Variants in PEX14 observed in about 807,000 individuals in gnomAD.
PEX14 encodes the protein peroxisomal biogenesis factor 14, also known as peroxisomal membrane protein PEX14.
Under a neutral mutation model 49.5 loss-of-function variants are expected in PEX14, and 15 were observed. The observed-to-expected ratio is 0.30, with a 90% confidence interval of 0.20 to 0.47. The LOEUF is 0.47. Among genes scored for constraint, PEX14 ranks in the 20% least tolerant of loss-of-function variants. The probability of loss-of-function intolerance (pLI) is 1.00; values close to 1 mark genes in which losing one functional copy is unlikely to be tolerated. For synonymous variants in PEX14, 210 were observed against 212.7 expected, an observed-to-expected ratio of 0.99 and a Z score of 0.11; for missense variants, 398 against 494.8, an observed-to-expected ratio of 0.80 and a Z score of 1.86.
chr1:10,549,263 T>C (rs1639267243), intron 3 of PEX14, among the ~76,000 whole-genome samples: 1 of 152,114 alleles, frequency 6.6e-6, no homozygotes, highest in South Asian at 2.1e-4. Context: ...GTAAGAAAAA[T>C]ATTTTAACAC....
chr1:10,528,849 A>G (rs1247096728), intron 2 of PEX14, among the ~76,000 whole-genome samples: 1 of 152,174 alleles, frequency 6.6e-6, no homozygotes, highest in East Asian at 1.9e-4. Flanking sequence ...ACGCTGGCCA[A>G]ACCTCCAACT....
At chr1:10,531,282 C>A (rs1006600193) in intron 2 of PEX14, among the ~76,000 whole-genome samples, 1 of 152,204 alleles carries the variant, frequency 6.6e-6, no homozygotes, top group Non-Finnish European at 1.5e-5. Flanking sequence ...AGCTGCTTTG[C>A]AACTATTTCC....
intron 3 of PEX14, among the ~76,000 whole-genome samples, chr1:10,581,931 T>C (rs1640333428): frequency 6.6e-6 from 1 of 151,898 alleles, no homozygotes; most frequent in Non-Finnish European, 1.5e-5. Context: ...CTTCATTTTA[T>C]TTTTTAATTA....
chr1:10,561,747 AACTG>A (rs1264375217), intron 3 of PEX14, among the ~76,000 whole-genome samples: 9 of 152,196 alleles, frequency 5.9e-5, no homozygotes, highest in African/African-American at 2.2e-4. Context: ...TTCTTGTTTC[AACTG>A]ACTGTTTCTC....
intron 5 of PEX14, among the ~76,000 whole-genome samples, chr1:10,620,067 A>T (rs2124635335): frequency 6.6e-6 from 1 of 152,208 alleles, no homozygotes; most frequent in South Asian, 2.1e-4. Flanking sequence ...GTAAGCCAAG[A>T]TCATGCCACT....
At chr1:10,481,853 T>G (rs1362681310) in intron 1 of PEX14, among the ~76,000 whole-genome samples, 5 of 149,572 alleles carry the variant, frequency 3.3e-5, no homozygotes, top group Non-Finnish European at 7.4e-5. Flanking sequence ...AGACAATGCC[T>G]GGCTCTGTTG....
chr1:10,507,601 C>T (rs2480786), intron 2 of PEX14, among the ~76,000 whole-genome samples: 124,963 of 152,156 alleles, frequency 0.82, 51,357 homozygotes, highest in Non-Finnish European at 0.84. Flanking sequence ...AGGTGCTATG[C>T]CCCTGGTAGC....
Position 10,599,287 on chromosome 1 carries a change from T to G in PEX14, c.219T>G (p.Ala73=). 6.2e-7 allele frequency: 1 copy of G among 1,614,176 alleles called. No homozygotes were observed. Among genetic ancestry groups the G allele is most frequent in the Non-Finnish European group, 8.5e-7 (1 of 1,179,978 alleles). Residue 73 remains alanine, a synonymous_variant, in exon 4 of 9, where the codon GCT becomes GCG. Transcript: ENST00000356607. ...IDMAFQQSGT[A]ADEPSSLGPA... ...TGGCCTTCCAGCAGTCGGGCACTGC[T>G]GCCGATGAGCCTTCGTCCTTGGGCC... is the stretch of plus-strand genomic sequence containing the variant.
At chr1:10,573,825 G>T (rs1640048792) in intron 3 of PEX14, among the ~76,000 whole-genome samples, 1 of 152,246 alleles carries the variant, frequency 6.6e-6, no homozygotes, top group African/African-American at 2.4e-5. Context: ...CCAAGGCTGG[G>T]TGCGGTAGCT....
At chr1:10,517,551 G>A (rs894799181) in intron 2 of PEX14, among the ~76,000 whole-genome samples, 4 of 152,134 alleles carry the variant, frequency 2.6e-5, no homozygotes, top group African/African-American at 7.2e-5. Context: ...GCACCGAGAA[G>A]TACTGGTTGT....
chr1:10,558,383 TGC>T, intron 3 of PEX14, among the ~76,000 whole-genome samples: 1 of 150,094 alleles, frequency 6.7e-6, no homozygotes, highest in East Asian at 2.0e-4. Flanking sequence ...CCCTACCCAC[TGC>T]GAATCAAGAA....
chr1:10,590,472 T>C (rs968785014), intron 3 of PEX14, among the ~76,000 whole-genome samples: 3 of 152,194 alleles, frequency 2.0e-5, no homozygotes, highest in Admixed American at 6.5e-5. Context: ...ATATAATCTA[T>C]ATTATTCTAT....
intron 3 of PEX14, among the ~76,000 whole-genome samples, chr1:10,569,026 C>T (rs930918026): frequency 5.3e-5 from 8 of 152,106 alleles, no homozygotes; most frequent in African/African-American, 1.9e-4. Flanking sequence ...CAGGCATGAG[C>T]CACTGTGCCT....
chr1:10,497,547 T>C (rs1029624472), intron 2 of PEX14, among the ~76,000 whole-genome samples: 1 of 152,226 alleles, frequency 6.6e-6, no homozygotes, highest in Non-Finnish European at 1.5e-5. Context: ...AAAAGGCATT[T>C]ATACATATGA....
At chr1:10,545,913 C>T (rs1288295570) in intron 3 of PEX14, among the ~76,000 whole-genome samples, 1 of 152,048 alleles carries the variant, frequency 6.6e-6, no homozygotes, top group African/African-American at 2.4e-5. Context: ...GGCGTGGTGG[C>T]GCATGCCTGT....
chr1:10,553,467 G>A (rs973767013), intron 3 of PEX14, among the ~76,000 whole-genome samples: 1 of 152,208 alleles, frequency 6.6e-6, no homozygotes, highest in African/African-American at 2.4e-5. Context: ...TTTCAAAGTC[G>A]CTTCTACAGG....
intron 2 of PEX14, among the ~76,000 whole-genome samples, chr1:10,524,004 G>A (rs1226803877): frequency 1.3e-5 from 2 of 152,082 alleles, no homozygotes. Context: ...TCAGGTTAAT[G>A]TTTTGGTATC....
intron 1 of PEX14, among the ~76,000 whole-genome samples, chr1:10,490,700 CTTTTTTT>C (rs34914348): frequency 1.5e-5 from 2 of 132,582 alleles, no homozygotes; most frequent in South Asian, 4.8e-4. Context: ...GTTTCTAAGC[CTTTTTTT>C]TTTTTTTTTT....
chr1:10,602,326 C>T (rs1641009584), intron 4 of PEX14, among the ~76,000 whole-genome samples: 1 of 151,692 alleles, frequency 6.6e-6, no homozygotes, highest in East Asian at 1.9e-4. Context: ...CATCATTGAG[C>T]TTCATTCTTC....
Sources: allele counts gnomAD v4.1 joint callset (sites outside exome capture counted in the v4.1 genomes callset), GRCh38; gene constraint gnomAD v4.1.1; transcripts MANE v1.5; gene names NCBI Gene and HGNC (gene_info 2026-07-23, HGNC 2026-07-21).